The following CSMD2 variants were observed in gnomAD, a reference collection of about 807,000 sequenced individuals.
CSMD2 encodes CUB and Sushi multiple domains 2.
In CSMD2, 130 loss-of-function variants were observed where a neutral mutation model predicts 398.5. The observed-to-expected ratio is 0.33, with a 90% CI of 0.28 to 0.38. The LOEUF (loss-of-function observed/expected upper bound fraction) is 0.38. CSMD2 is among the 10% of genes least tolerant of loss of function. The pLI is 1.00. For missense variants in CSMD2, 3,829 were observed against 4,764.9 expected (o/e 0.80, Z 5.78); for synonymous variants, 1,828 against 1,908.5 (o/e 0.96, Z 1.10).
chr1:33,576,105 T>G (rs1031703379), intron 49 of CSMD2, among the ~76,000 whole-genome samples: 24 of 152,214 alleles, frequency 1.6e-4, no homozygotes, highest in African/African-American at 5.8e-4. Flanking sequence ...TCGCATACGT[T>G]ATGATGCGAG....
intron 13 of CSMD2, chr1:33,772,246 T>A (rs1015593996): frequency 4.5e-6 from 1 of 224,562 alleles, no homozygotes. Flanking sequence ...GCAATGACGG[T>A]GAGCAGGAAA....
At chr1:33,580,527 A>G (rs894410489) in intron 48 of CSMD2, among the ~76,000 whole-genome samples, 5 of 152,230 alleles carry the variant, frequency 3.3e-5, no homozygotes, top group Non-Finnish European at 7.3e-5. Context: ...CAGATCATAT[A>G]AAATTGTTAA....
At chr1:33,529,286 A>G (rs552782160) in intron 64 of CSMD2, among the ~76,000 whole-genome samples, 4 of 152,190 alleles carry the variant, frequency 2.6e-5, no homozygotes, top group Non-Finnish European at 5.9e-5. Context: ...GACTACAGGC[A>G]TACACCACCA....
chr1:33,735,933 A>C (rs2149235820), intron 15 of CSMD2, among the ~76,000 whole-genome samples: 1 of 152,330 alleles, frequency 6.6e-6, no homozygotes, highest in Admixed American at 6.5e-5. Flanking sequence ...ACAGGTTCCC[A>C]GGGGCTTCTT....
chr1:33,670,056 T>C (rs572811212), intron 25 of CSMD2, among the ~76,000 whole-genome samples: 207 of 152,318 alleles, frequency 1.4e-3, no homozygotes, highest in Non-Finnish European at 2.5e-3. Flanking sequence ...AGCTATTCAG[T>C]TTGTTACAGC....
intron 26 of CSMD2, among the ~76,000 whole-genome samples, chr1:33,659,654 C>A (rs752636309): frequency 6.6e-6 from 1 of 152,160 alleles, no homozygotes; most frequent in Non-Finnish European, 1.5e-5. Context: ...GGATGCACAC[C>A]CATTCTCTTC....
intron 8 of CSMD2, 61 bp downstream of exon 8, chr1:33,820,408 T>C: frequency 8.9e-7 from 1 of 1,126,356 alleles, no homozygotes; most frequent in Non-Finnish European, 1.4e-6. Flanking sequence ...AGCCCCTGTC[T>C]TCCTCCCAGC....
At chr1:33,783,105 G>A (rs891809424) in intron 12 of CSMD2, among the ~76,000 whole-genome samples, 5 of 152,154 alleles carry the variant, frequency 3.3e-5, no homozygotes, top group African/African-American at 1.2e-4. Flanking sequence ...AGTCAGAGGT[G>A]GGGAGAGGGA....
intron 6 of CSMD2, among the ~76,000 whole-genome samples, chr1:33,844,291 G>T (rs1183300137): frequency 6.6e-6 from 1 of 151,876 alleles, no homozygotes; most frequent in Non-Finnish European, 1.5e-5. Flanking sequence ...TGTGTGTGGG[G>T]GGGCGCTGCT....
chr1:33,948,319 C>G (rs1644900811), intron 3 of CSMD2, among the ~76,000 whole-genome samples: 1 of 152,134 alleles, frequency 6.6e-6, no homozygotes, highest in African/African-American at 2.4e-5. Flanking sequence ...CTGCCTTCTG[C>G]CCTGGACAAG....
chr1:34,048,308 G>T (rs1165562812), intron 2 of CSMD2, among the ~76,000 whole-genome samples: 1 of 152,202 alleles, frequency 6.6e-6, no homozygotes, highest in Non-Finnish European at 1.5e-5. Context: ...AATGGAAACT[G>T]CTCTCTGTCA....
rs765209292 is a variant in CSMD2, at chr1:33,652,339, C to T, written c.4570G>A (p.Ala1524Thr). ...GGTACATACATGTTAAATACCAGGG[C>T]GATGACGTAGTCTGGTGAGACGGTC... Reference protein sequence around the residue: ...KVTVSPDYVIALVFNIFNLEP... With the variant: ...KVTVSPDYVITLVFNIFNLEP... Residue 1524 changes from alanine to threonine, a missense_variant, in exon 28 of 71, where the codon GCC becomes ACC. Coordinates refer to ENST00000373381, the MANE Select transcript of CSMD2 (RefSeq NM_001281956.2). The T allele has an allele frequency of 4.0e-5, 64 of 1,614,002 alleles. 1 individual carries two copies. Among genetic ancestry groups the T allele is most frequent in the East Asian group, 2.5e-4 (11 of 44,890 alleles).
intron 6 of CSMD2, among the ~76,000 whole-genome samples, chr1:33,831,627 C>T (rs964591917): frequency 6.6e-6 from 1 of 151,704 alleles, no homozygotes; most frequent in Non-Finnish European, 1.5e-5. Flanking sequence ...AACCAGCTAA[C>T]ATCATCATGA....
chr1:33,623,716 G>T (rs915303073), intron 35 of CSMD2, among the ~76,000 whole-genome samples: 1 of 152,180 alleles, frequency 6.6e-6, no homozygotes, highest in African/African-American at 2.4e-5. Flanking sequence ...GGCAGAGAAT[G>T]GGGAAAAGAA....
At chr1:33,759,510 A>G (rs1467708729) in intron 13 of CSMD2, among the ~76,000 whole-genome samples, 1 of 151,616 alleles carries the variant, frequency 6.6e-6, no homozygotes, top group Non-Finnish European at 1.5e-5. Flanking sequence ...TATTTTTAGT[A>G]GAGATGGGGT....
At chr1:34,115,701 G>A (rs926425012) in intron 1 of CSMD2, among the ~76,000 whole-genome samples, 5 of 151,992 alleles carry the variant, frequency 3.3e-5, no homozygotes, top group African/African-American at 1.2e-4. Flanking sequence ...TAATAGTGAT[G>A]CCTAAATCAT....
At chr1:33,557,226 A>G (rs910537617) in intron 55 of CSMD2, among the ~76,000 whole-genome samples, 9 of 152,188 alleles carry the variant, frequency 5.9e-5, no homozygotes. Context: ...GAAGAAACTG[A>G]CGCTCTGAGA....
chr1:33,565,058 A>C (rs1396975746), intron 53 of CSMD2, among the ~76,000 whole-genome samples: 1 of 152,236 alleles, frequency 6.6e-6, no homozygotes, highest in Non-Finnish European at 1.5e-5. Context: ...AATTACATGT[A>C]AGAGAAATAT....
chr1:33,836,138 TGTTTG>T (rs1660229295), intron 6 of CSMD2, among the ~76,000 whole-genome samples: 1 of 152,234 alleles, frequency 6.6e-6, no homozygotes, highest in Non-Finnish European at 1.5e-5. Flanking sequence ...CTCCAGACCC[TGTTTG>T]CCTGGGTATC....
Sources: gnomAD v4.1 joint callset for allele counts (sites outside exome capture counted in the v4.1 genomes callset) on GRCh38, gnomAD v4.1.1 for gene constraint, MANE v1.5 for transcripts, NCBI Gene and HGNC (gene_info 2026-07-23, HGNC 2026-07-21) for gene names.